The following NTM variants were observed in gnomAD, a reference collection of about 807,000 sequenced individuals.
NTM encodes the protein neurotrimin.
NTM carries 13 observed loss-of-function variants against 42.1 expected under a neutral mutation model. The ratio of observed to expected loss-of-function variants is 0.31; its 90% CI spans 0.20 to 0.49. The LOEUF is 0.49. Among genes scored for constraint, NTM ranks in the 20% least tolerant of loss-of-function variants. The pLI, the probability that NTM is intolerant of heterozygous loss-of-function variation, is 0.99. For synonymous variants in NTM, 187 were observed against 179.2 expected (o/e 1.04, Z -0.35); for missense variants, 373 against 452.8 (o/e 0.82, Z 1.60).
intron 2 of NTM, among the ~76,000 whole-genome samples, chr11:132,023,636 T>C (rs1359951735): frequency 6.6e-6 from 1 of 152,174 alleles, no homozygotes; most frequent in African/African-American, 2.4e-5. Flanking sequence ...TATTCAGGGT[T>C]CTTCTCGAAG....
At chr11:132,014,746 T>G (rs1406144820) in intron 2 of NTM, among the ~76,000 whole-genome samples, 1 of 144,650 alleles carries the variant, frequency 6.9e-6, no homozygotes, top group Non-Finnish European at 1.5e-5. Flanking sequence ...GTTTTTTTTT[T>G]TTTTTTTTTT....
At chr11:132,308,822 A>C (rs1044680816) in intron 5 of NTM, among the ~76,000 whole-genome samples, 1 of 152,220 alleles carries the variant, frequency 6.6e-6, no homozygotes, top group Non-Finnish European at 1.5e-5. Flanking sequence ...AAGGGACTTA[A>C]GAGGATTTAC....
intron 2 of NTM, among the ~76,000 whole-genome samples, chr11:131,982,022 A>G (rs1165685673): frequency 6.6e-6 from 1 of 151,364 alleles, no homozygotes; most frequent in Non-Finnish European, 1.5e-5. Context: ...AAAAATAAAA[A>G]AGAAAAGGAG....
chr11:132,263,291 G>T (rs570925185), intron 4 of NTM, among the ~76,000 whole-genome samples: 1 of 152,214 alleles, frequency 6.6e-6, no homozygotes, highest in East Asian at 1.9e-4. Context: ...GGCTGCCCTG[G>T]TGATCTCTGA....
At chr11:132,123,348 T>A (rs2065147347) in intron 2 of NTM, among the ~76,000 whole-genome samples, 1 of 152,196 alleles carries the variant, frequency 6.6e-6, no homozygotes, top group Non-Finnish European at 1.5e-5. Context: ...GAGGTAAACC[T>A]ACGTGCTTTC....
intron 2 of NTM, among the ~76,000 whole-genome samples, chr11:132,026,521 A>AT (rs1055466803): frequency 2.6e-5 from 4 of 151,844 alleles, no homozygotes; most frequent in African/African-American, 2.4e-5. Context: ...CATCAGAGGT[A>AT]TTTTTTTTCC....
In NTM at chr11:132,093,753, C is replaced by T. The variant is rs190786658; in HGVS notation, c.168-52529C>T. On this transcript the variant is annotated intron_variant, in intron 2 of 8. Transcript: ENST00000683400. ...GTGGCATGCTTCCTGAGGGCTGTGACAGTGACTATTTCACAATTTCATATG... is the reference window on the plus strand; with the variant it reads ...GTGGCATGCTTCCTGAGGGCTGTGATAGTGACTATTTCACAATTTCATATG... 2.1e-3 allele frequency among the ~76,000 whole-genome samples: 319 copies of T among 152,306 alleles called. 2 individuals carry two copies. Among genetic ancestry groups the T allele is most frequent in the African/African-American group, 7.4e-3 (306 of 41,572 alleles).
intron 1 of NTM, among the ~76,000 whole-genome samples, chr11:131,657,258 GC>G (rs1313958232): frequency 1.3e-5 from 2 of 152,144 alleles, no homozygotes; most frequent in Non-Finnish European, 2.9e-5. Flanking sequence ...AGGGTTCTGA[GC>G]CCTTTGGAGA....
At chr11:131,826,080 C>T (rs1363789080) in intron 1 of NTM, among the ~76,000 whole-genome samples, 1 of 152,044 alleles carries the variant, frequency 6.6e-6, no homozygotes, top group Admixed American at 6.5e-5. Flanking sequence ...TAAACTCCAA[C>T]TTTATAGGAC....
intron 2 of NTM, among the ~76,000 whole-genome samples, chr11:131,913,809 G>A (rs1299997247): frequency 6.6e-6 from 1 of 152,112 alleles, no homozygotes; most frequent in Admixed American, 6.5e-5. Flanking sequence ...CAGCCTCAGG[G>A]GCTGAATGTC....
At chr11:132,134,705 GTATATATATATATATATATATATATATA>G (rs57297229) in intron 2 of NTM, among the ~76,000 whole-genome samples, 1,680 of 75,948 alleles carry the variant, frequency 0.022, 130 homozygotes, top group Middle Eastern at 0.052. Context: ...GTATTCCATG[GTATATATATATATATATATATATATATA>G]TATATATATA....
intron 3 of NTM, among the ~76,000 whole-genome samples, chr11:132,188,545 A>G (rs2086676936): frequency 6.6e-6 from 1 of 152,130 alleles, no homozygotes; most frequent in Admixed American, 6.5e-5. Context: ...GTCTAGGAAT[A>G]TCTCTTCTGG....
At chr11:131,577,066 T>C (rs2058006140) in intron 1 of NTM, among the ~76,000 whole-genome samples, 1 of 152,218 alleles carries the variant, frequency 6.6e-6, no homozygotes, top group Admixed American at 6.5e-5. Context: ...AACTTGAGTT[T>C]GAATTTTGGC....
intron 1 of NTM, among the ~76,000 whole-genome samples, chr11:131,887,766 C>A (rs1433223488): frequency 6.6e-6 from 1 of 152,206 alleles, no homozygotes; most frequent in Non-Finnish European, 1.5e-5. Context: ...AGCACAGGAC[C>A]TCCTACTGCA....
chr11:131,673,111 T>A (rs1297056168), intron 1 of NTM, among the ~76,000 whole-genome samples: 1 of 151,532 alleles, frequency 6.6e-6, no homozygotes, highest in Non-Finnish European at 1.5e-5. Flanking sequence ...TAGATGGGGA[T>A]GGAGAGGGCT....
chr11:131,374,548 C>T (rs536392719), intron 1 of NTM, among the ~76,000 whole-genome samples: 13 of 152,124 alleles, frequency 8.5e-5, no homozygotes, highest in African/African-American at 2.9e-4. Flanking sequence ...CCTTCCATAG[C>T]GCTGGTTTTA....
intron 1 of NTM, among the ~76,000 whole-genome samples, chr11:131,543,776 G>A (rs1215600730): frequency 3.3e-5 from 5 of 152,212 alleles, no homozygotes; most frequent in Non-Finnish European, 5.9e-5. Context: ...CCTGGTAACA[G>A]TTGGTAAACG....
At chr11:131,464,416 G>T (rs1189420376) in intron 1 of NTM, among the ~76,000 whole-genome samples, 3 of 151,878 alleles carry the variant, frequency 2.0e-5, no homozygotes, top group Non-Finnish European at 2.9e-5. Context: ...TGACTGAACC[G>T]CTCTCTGGCA....
intron 1 of NTM, among the ~76,000 whole-genome samples, chr11:131,698,122 T>C (rs937297928): frequency 6.6e-6 from 1 of 152,124 alleles, no homozygotes; most frequent in Admixed American, 6.5e-5. Flanking sequence ...CATGTTAATA[T>C]TGGGATCTTT....
Sources: gnomAD v4.1 joint callset for allele counts (sites outside exome capture counted in the v4.1 genomes callset) on GRCh38, gnomAD v4.1.1 for gene constraint, MANE v1.5 for transcripts, NCBI Gene and HGNC (gene_info 2026-07-23, HGNC 2026-07-21) for gene names.